The following RAD52 variants were observed in gnomAD, a reference collection of about 807,000 sequenced individuals.
RAD52 encodes the protein RAD52 DNA repair protein.
RAD52 carries 47 observed loss-of-function variants against 55.5 expected under a neutral mutation model. That is an observed-to-expected ratio of 0.85 (90% confidence interval 0.67 to 1.08). The LOEUF (loss-of-function observed/expected upper bound fraction) is 1.08. RAD52 is among the 50% of genes least tolerant of loss of function. RAD52 has a pLI of 0.00. For missense variants in RAD52, 468 were observed against 522.8 expected (o/e 0.90, Z 1.02); for synonymous variants, 184 against 198.9 (o/e 0.92, Z 0.63).
chr12:973,276 A>G (rs189089059), intron 1 of RAD52, among the ~76,000 whole-genome samples: 17 of 151,728 alleles, frequency 1.1e-4, no homozygotes, highest in East Asian at 2.0e-4. Flanking sequence ...TCATCATGTT[A>G]GCCAGGATGG....
chr12:979,533 T>C (rs1958981991), intron 1 of RAD52, among the ~76,000 whole-genome samples: 2 of 152,094 alleles, frequency 1.3e-5, no homozygotes, highest in South Asian at 2.1e-4. Context: ...CCAGACCACA[T>C]GTGCCGTCTC....
intron 1 of RAD52, among the ~76,000 whole-genome samples, chr12:982,807 G>A (rs1321308281): frequency 1.5e-5 from 2 of 133,864 alleles, no homozygotes; most frequent in African/African-American, 5.7e-5. Flanking sequence ...GCCCGCCCCT[G>A]CCCTGAGTAG....
At chr12:950,981 A>C (rs982559662), upstream of RAD52, among the ~76,000 whole-genome samples, 22 of 146,762 alleles carry the variant, frequency 1.5e-4, no homozygotes, top group African/African-American at 5.5e-4. Flanking sequence ...CGAACTCCCA[A>C]CCTCAGGTGA....
Position 927,195 on chromosome 12 carries a change from C to T in RAD52, c.417G>A (p.Leu139=). The T allele has an allele frequency of 6.2e-7, 1 of 1,614,164 alleles. No individual in the cohort carries two copies. Among genetic ancestry groups the T allele is most frequent in the Non-Finnish European group, 8.5e-7 (1 of 1,180,036 alleles). ...TCACCGCCTCCTTCCTTGCCTTCTC[C>T]AAAGATAAAGCCTTGGACTTGAGGC... ...SEGLKSKALS[L]EKARKEAVTD... is the part of the protein sequence containing the mutation. Residue 139 remains leucine (L), a synonymous_variant, in exon 6 of 12, where the codon TTG becomes TTA. Transcript: ENST00000358495.
chr12:928,999 G>A (rs1399665548), intron 5 of RAD52, among the ~76,000 whole-genome samples: 1 of 152,100 alleles, frequency 6.6e-6, no homozygotes, highest in African/African-American at 2.4e-5. Flanking sequence ...TGAGTAGCTA[G>A]GACTACAAGC....
chr12:913,709 A>C (rs1032015058), intron 11 of RAD52, among the ~76,000 whole-genome samples, 185 bp downstream of exon 11: 4 of 152,144 alleles, frequency 2.6e-5, no homozygotes, highest in African/African-American at 9.7e-5. Flanking sequence ...GCTGCACCTG[A>C]AGTCAGGAGC....
intron 6 of RAD52, chr12:926,791 G>A (rs1443334545): frequency 7.2e-6 from 11 of 1,535,880 alleles, no homozygotes; most frequent in Non-Finnish European, 9.6e-6. Context: ...CGTTAACTAT[G>A]CTACCTGTGC....
upstream of RAD52, among the ~76,000 whole-genome samples, chr12:953,719 T>G (rs182547023): frequency 1.3e-5 from 2 of 152,326 alleles, no homozygotes; most frequent in African/African-American, 4.8e-5. Flanking sequence ...TTTAGGAAAC[T>G]AACACAATGT....
chr12:927,867 G>GAA (rs554734829), intron 5 of RAD52, among the ~76,000 whole-genome samples: 1 of 144,180 alleles, frequency 6.9e-6, no homozygotes, highest in African/African-American at 2.5e-5. Context: ...CTACGTCTTG[G>GAA]AAAAAAAAAA....
intron 2 of RAD52, among the ~76,000 whole-genome samples, chr12:931,540 T>C (rs1013920704): frequency 2.6e-5 from 4 of 152,160 alleles, no homozygotes; most frequent in African/African-American, 9.7e-5. Flanking sequence ...TCATGCACTC[T>C]CTGAAAACTC....
At chr12:914,638 CACAACACCGCTTA>C in intron 9 of RAD52, 106 bp from the exon 10 acceptor site, 2 of 1,357,900 alleles carry the variant, frequency 1.5e-6, no homozygotes, top group Non-Finnish European at 2.0e-6. Flanking sequence ...CTCTCCGAAG[CACAACACCGCTTA>C]GGGCTGCGCT....
intron 7 of RAD52, among the ~76,000 whole-genome samples, chr12:918,423 G>GA (rs1398497944): frequency 1.3e-5 from 2 of 152,074 alleles, no homozygotes; most frequent in Non-Finnish European, 2.9e-5. Context: ...TTGAGAGAGG[G>GA]TCTCGCTCTG....
intron 7 of RAD52, among the ~76,000 whole-genome samples, chr12:917,250 T>G (rs945683725): frequency 6.6e-6 from 1 of 152,064 alleles, no homozygotes; most frequent in African/African-American, 2.4e-5. Flanking sequence ...GAAGAACCCT[T>G]CAAACGACAG....
chr12:913,690 C>T (rs966372470), intron 11 of RAD52, among the ~76,000 whole-genome samples: 5 of 152,136 alleles, frequency 3.3e-5, no homozygotes, highest in African/African-American at 9.7e-5. Flanking sequence ...TTATCAGGAG[C>T]TGAAAAGGGC....
At chr12:942,681 A>G (rs1461978628) in intron 1 of RAD52, among the ~76,000 whole-genome samples, 1 of 151,702 alleles carries the variant, frequency 6.6e-6, no homozygotes. Flanking sequence ...TGGGAGGCAG[A>G]GGTTGCAGTG....
chr12:947,764 T>C (rs1958325018), intron 1 of RAD52, among the ~76,000 whole-genome samples: 1 of 151,792 alleles, frequency 6.6e-6, no homozygotes, highest in Non-Finnish European at 1.5e-5. Context: ...GGCATGCGCC[T>C]GTAAGCCCAG....
At chr12:920,084 G>C (rs1214717254) in intron 7 of RAD52, among the ~76,000 whole-genome samples, 1 of 115,224 alleles carries the variant, frequency 8.7e-6, no homozygotes, top group African/African-American at 3.6e-5. Flanking sequence ...GGGCATGGTA[G>C]CACGCACCTG....
intron 2 of RAD52, among the ~76,000 whole-genome samples, chr12:932,040 C>T (rs1276025061): frequency 6.6e-6 from 1 of 152,180 alleles, no homozygotes; most frequent in East Asian, 1.9e-4. Flanking sequence ...GAATAGGACC[C>T]CCAGTAACTT....
chr12:931,383 C>G (rs559530111), intron 2 of RAD52, 62 bp from the exon 3 acceptor site: 2 of 1,278,692 alleles, frequency 1.6e-6, no homozygotes, highest in South Asian at 2.8e-5. Flanking sequence ...CATTGAGTCT[C>G]CATCCTTTAT....
Sources: gnomAD v4.1 joint callset for allele counts (sites outside exome capture counted in the v4.1 genomes callset) on GRCh38, gnomAD v4.1.1 for gene constraint, MANE v1.5 for transcripts, NCBI Gene and HGNC (gene_info 2026-07-23, HGNC 2026-07-21) for gene names.